PRDM5: variants seen among roughly 807,000 people sequenced by gnomAD.
PRDM5 encodes PR domain zinc finger protein 5.
A neutral mutation model predicts 81.2 loss-of-function variants in PRDM5; 56 were observed. The ratio of observed to expected loss-of-function variants is 0.69; its 90% CI spans 0.56 to 0.86. The LOEUF (loss-of-function observed/expected upper bound fraction) is 0.86, where lower values mean the gene tolerates loss of function less well. PRDM5 is among the 40% of genes least tolerant of loss of function. The pLI is 0.00. For synonymous variants in PRDM5, 267 were observed against 256.4 expected (o/e 1.04, Z -0.39); for missense variants, 697 against 770.1 (o/e 0.91, Z 1.12).
intron 14 of PRDM5, among the ~76,000 whole-genome samples, chr4:120,744,532 A>T (rs961967068): frequency 3.9e-5 from 6 of 152,120 alleles, no homozygotes; most frequent in Non-Finnish European, 5.9e-5. Flanking sequence ...ATAGACCGCT[A>T]GCAAGACTAA....
At chr4:120,699,911 T>C (rs1252667381) in intron 15 of PRDM5, among the ~76,000 whole-genome samples, 1 of 140,898 alleles carries the variant, frequency 7.1e-6, no homozygotes, top group Non-Finnish European at 1.6e-5. Flanking sequence ...TCCACAGAAC[T>C]AGAAAAAACT....
chr4:120,819,435 G>A (rs1754972714), intron 4 of PRDM5, among the ~76,000 whole-genome samples: 1 of 139,078 alleles, frequency 7.2e-6, no homozygotes, highest in East Asian at 2.2e-4. Context: ...AATAAAAATA[G>A]CCATGGCACA....
intron 1 of PRDM5, among the ~76,000 whole-genome samples, chr4:120,685,450 A>G (rs557758418): frequency 6.6e-6 from 1 of 152,256 alleles, no homozygotes; most frequent in Admixed American, 6.6e-5. Context: ...ACTTTCAAAA[A>G]TATTCCCAAA....
chr4:120,860,506 T>C (rs561216413), intron 2 of PRDM5, among the ~76,000 whole-genome samples: 1 of 152,296 alleles, frequency 6.6e-6, no homozygotes, highest in African/African-American at 2.4e-5. Context: ...TGTCCTTTTC[T>C]ATAGTTTTAC....
chr4:120,914,854 G>A (rs1386191219), intron 1 of PRDM5, among the ~76,000 whole-genome samples: 3 of 152,112 alleles, frequency 2.0e-5, no homozygotes, highest in Admixed American at 6.5e-5. Flanking sequence ...CTCTGGCAGC[G>A]GCTTGGATCT....
intron 10 of PRDM5, among the ~76,000 whole-genome samples, chr4:120,789,969 C>T (rs1561242654): frequency 6.6e-6 from 1 of 152,194 alleles, no homozygotes; most frequent in Non-Finnish European, 1.5e-5. Context: ...GAGCCAACTA[C>T]TGAGTCCCCA....
chr4:120,905,033 GA>G (rs2148671628), intron 2 of PRDM5, among the ~76,000 whole-genome samples: 1 of 152,198 alleles, frequency 6.6e-6, no homozygotes, highest in African/African-American at 2.4e-5. Flanking sequence ...CATAGTAAAA[GA>G]ATTAACTGCT....
intron 2 of PRDM5, among the ~76,000 whole-genome samples, chr4:120,901,003 C>T (rs1387264867): frequency 6.6e-6 from 1 of 152,126 alleles, no homozygotes; most frequent in Non-Finnish European, 1.5e-5. Context: ...ACATTAAGCA[C>T]TTTTATATAT....
Position 120,821,165 on chromosome 4 carries a change from C to T in PRDM5, c.475+6G>A, listed in dbSNP as rs1367821206. On this transcript the variant is annotated splice_donor_region_variant and intron_variant, in intron 4 of 15. Transcript: ENST00000264808. ...TCTCCCAGATCACCAATTAAAGATGCAATACCTTTTCTGCCCGCTGTTGAT... is the reference window on the plus strand; with the variant it reads ...TCTCCCAGATCACCAATTAAAGATGTAATACCTTTTCTGCCCGCTGTTGAT... 7 of 1,613,450 alleles carry T rather than the reference C, an allele frequency of 4.3e-6. No individual in the cohort carries two copies. In the Admixed American group the frequency reaches 8.3e-5, roughly 19 times the overall value.
intron 8 of PRDM5, chr4:120,810,514 T>C (rs1753686330): frequency 1.3e-5 from 2 of 152,060 alleles, no homozygotes; most frequent in African/African-American, 4.8e-5. Flanking sequence ...CAAAGAAGAT[T>C]AGCATGGCCT....
chr4:120,922,002 G>T (rs1724991613), intron 1 of PRDM5, among the ~76,000 whole-genome samples: 1 of 152,222 alleles, frequency 6.6e-6, no homozygotes, highest in African/African-American at 2.4e-5. Context: ...TACGGCCTGC[G>T]TGGAGCGGCG....
At chr4:120,824,822 T>G (rs1240566416) in intron 3 of PRDM5, among the ~76,000 whole-genome samples, 1 of 152,136 alleles carries the variant, frequency 6.6e-6, no homozygotes, top group East Asian at 1.9e-4. Context: ...TTTTTAAAAA[T>G]GTATGTAAAT....
intron 10 of PRDM5, among the ~76,000 whole-genome samples, chr4:120,797,100 C>T (rs1751447137): frequency 6.6e-6 from 1 of 151,862 alleles, no homozygotes; most frequent in South Asian, 2.1e-4. Flanking sequence ...GAAATGCAAA[C>T]CAAAATCAAC....
At chr4:120,764,330 T>C (rs969129669) in intron 13 of PRDM5, among the ~76,000 whole-genome samples, 1 of 152,222 alleles carries the variant, frequency 6.6e-6, no homozygotes, top group African/African-American at 2.4e-5. Flanking sequence ...CATTTGGTTA[T>C]TGTTCATAGC....
At chr4:120,904,932 T>A (rs1765630938) in intron 2 of PRDM5, among the ~76,000 whole-genome samples, 1 of 152,174 alleles carries the variant, frequency 6.6e-6, no homozygotes, top group African/African-American at 2.4e-5. Flanking sequence ...AGAAAAAACC[T>A]GTTAAAAATG....
intron 6 of PRDM5, 118 bp from the exon 7 acceptor site, chr4:120,816,692 T>G (rs1754562201): frequency 6.5e-7 from 1 of 1,527,318 alleles, no homozygotes; most frequent in Non-Finnish European, 9.1e-7. Flanking sequence ...GGTCATTCCA[T>G]GCATTACCTA....
chr4:120,684,785 TAA>T (rs1733775053), downstream of PRDM5: 1 of 151,968 alleles, frequency 6.6e-6, no homozygotes, highest in Non-Finnish European at 1.5e-5. Context: ...ATTACATGAA[TAA>T]AAATTACATA....
chr4:120,838,961 C>A lies in PRDM5; in HGVS notation c.300+14457G>T, dbSNP rs116368264. The A allele has an allele frequency of 8.3e-3, 4,246 of 510,732 alleles. 126 individuals are homozygous for A. The highest frequency in any genetic ancestry group is 0.071 in the African/African-American group (3,732 of 52,766). The allele number at this position is 510,732 out of a possible 1,614,324, so 31.6% of individuals were successfully genotyped here. A position where few individuals can be genotyped will look rare whatever the true frequency, so the allele number is the denominator to read the frequency against. ...ATGCCGGCTGCTGCAGAAGGGTGGG[C>A]AGCTCCAGGTGCCAGCACAGGTGCC... On this transcript the variant is annotated intron_variant, in intron 3 of 15. Coordinates refer to ENST00000264808, the MANE Select transcript of PRDM5 (RefSeq NM_018699.4).
chr4:120,742,771 G>A (rs1164089449), intron 14 of PRDM5, among the ~76,000 whole-genome samples: 2 of 151,922 alleles, frequency 1.3e-5, no homozygotes, highest in East Asian at 3.9e-4. Context: ...AAGAAATATG[G>A]GACTATGTGA....
Sources: allele counts gnomAD v4.1 joint callset (sites outside exome capture counted in the v4.1 genomes callset), GRCh38; gene constraint gnomAD v4.1.1; transcripts MANE v1.5; gene names NCBI Gene and HGNC (gene_info 2026-07-23, HGNC 2026-07-21).